Variants in PLPP4 observed in about 807,000 individuals in gnomAD.
PLPP4 encodes the protein phospholipid phosphatase 4.
Under a neutral mutation model 32.2 loss-of-function variants are expected in PLPP4, and 20 were observed. The ratio of observed to expected loss-of-function variants is 0.62; its 90% CI spans 0.44 to 0.90. The LOEUF is 0.90. Among genes scored for constraint, PLPP4 ranks in the 40% least tolerant of loss-of-function variants. PLPP4 has a pLI of 0.00. For missense variants in PLPP4, 257 were observed against 353.1 expected (o/e 0.73, Z 2.18); for synonymous variants, 127 against 133.0 (o/e 0.95, Z 0.31).
intron 5 of PLPP4, among the ~76,000 whole-genome samples, chr10:120,522,467 G>T (rs1401266157): frequency 6.6e-6 from 1 of 152,198 alleles, no homozygotes; most frequent in African/African-American, 2.4e-5. Flanking sequence ...CTTGTCTAAG[G>T]ACACCAGCTC....
intron 1 of PLPP4, among the ~76,000 whole-genome samples, chr10:120,472,039 G>C (rs1848539411): frequency 6.6e-6 from 1 of 151,576 alleles, no homozygotes; most frequent in Middle Eastern, 3.4e-3. Context: ...TCATGCCTTT[G>C]GTATATTGTT....
chr10:120,547,648 C>T (rs1847692008), intron 5 of PLPP4, among the ~76,000 whole-genome samples: 1 of 152,116 alleles, frequency 6.6e-6, no homozygotes, highest in Admixed American at 6.6e-5. Flanking sequence ...CATAGATTCC[C>T]TTTTTCCATC....
At chr10:120,544,629 C>G (rs1286327291) in intron 5 of PLPP4, among the ~76,000 whole-genome samples, 2 of 152,194 alleles carry the variant, frequency 1.3e-5, no homozygotes, top group African/African-American at 4.8e-5. Context: ...GCCTGTCCTC[C>G]CTTCTAGACT....
chr10:120,543,603 G>T (rs752157681), intron 5 of PLPP4, among the ~76,000 whole-genome samples: 4 of 152,122 alleles, frequency 2.6e-5, no homozygotes, highest in Non-Finnish European at 5.9e-5. Flanking sequence ...GATTTTTTGG[G>T]TGTTGTGAAA....
At chr10:120,565,252 G>T (rs1848631585) in intron 5 of PLPP4, among the ~76,000 whole-genome samples, 1 of 151,684 alleles carries the variant, frequency 6.6e-6, no homozygotes, top group Non-Finnish European at 1.5e-5. Flanking sequence ...ATTCCCTCGT[G>T]TATCAGCCTT....
At chr10:120,588,994 C>T (rs576158839) in intron 6 of PLPP4, among the ~76,000 whole-genome samples, 11 of 152,256 alleles carry the variant, frequency 7.2e-5, no homozygotes, top group African/African-American at 2.2e-4. Flanking sequence ...TGCAGTGAGG[C>T]GAGATTGCAG....
chr10:120,497,400 A>G (rs1356462096), intron 1 of PLPP4, among the ~76,000 whole-genome samples: 1 of 151,840 alleles, frequency 6.6e-6, no homozygotes. Flanking sequence ...CCTTCCACTC[A>G]CTTAATTTCA....
At chr10:120,462,166 G>A (rs1190385162) in intron 1 of PLPP4, among the ~76,000 whole-genome samples, 2 of 152,008 alleles carry the variant, frequency 1.3e-5, no homozygotes, top group African/African-American at 4.8e-5. Flanking sequence ...AAGGCCTGGA[G>A]GTGTGGAGGC....
chr10:120,495,635 AT>A (rs537423976), intron 1 of PLPP4, among the ~76,000 whole-genome samples: 3 of 150,996 alleles, frequency 2.0e-5, no homozygotes, highest in South Asian at 2.1e-4. Flanking sequence ...AAGTGTTACT[AT>A]TTTTTTTTCT....
Position 120,572,690 on chromosome 10 carries a change from A to G in PLPP4, c.446-2441A>G, listed in dbSNP as rs79376713. Among the ~76,000 whole-genome samples the G allele has an allele frequency of 8.7e-3, 1,318 of 152,276 alleles. 24 individuals are homozygous for G. Among genetic ancestry groups the G allele is most frequent in the African/African-American group, 0.03 (1,267 of 41,554 alleles). ...TAAAGTCCATTATTCCTCCTGAAGGAGCTCAGGATGGGATCAATACCAATG... is the reference window on the plus strand; with the variant it reads ...TAAAGTCCATTATTCCTCCTGAAGGGGCTCAGGATGGGATCAATACCAATG... On this transcript the variant is annotated intron_variant, in intron 5 of 6. Coordinates refer to ENST00000398250, the MANE Select transcript of PLPP4 (RefSeq NM_001030059.3).
intron 1 of PLPP4, among the ~76,000 whole-genome samples, chr10:120,462,452 C>T (rs761734595): frequency 3.3e-5 from 5 of 152,206 alleles, no homozygotes; most frequent in African/African-American, 4.8e-5. Flanking sequence ...CACACTGCTT[C>T]GTGGCCGCAG....
At chr10:120,564,559 G>T (rs1848599487) in intron 5 of PLPP4, among the ~76,000 whole-genome samples, 1 of 151,862 alleles carries the variant, frequency 6.6e-6, no homozygotes, top group African/African-American at 2.4e-5. Flanking sequence ...CAATAGCAAA[G>T]ATGTGAATTA....
chr10:120,514,097 C>A (rs1845839422), intron 3 of PLPP4, 96 bp downstream of exon 3: 1 of 984,154 alleles, frequency 1.0e-6, no homozygotes, highest in East Asian at 2.4e-5. Context: ...TGATTTTTTT[C>A]TTTTGGTCAA....
chr10:120,535,003 T>C (rs1846947037), intron 5 of PLPP4, among the ~76,000 whole-genome samples: 1 of 152,166 alleles, frequency 6.6e-6, no homozygotes, highest in South Asian at 2.1e-4. Context: ...CAGACTTTCC[T>C]GTTTCTTTGC....
intron 2 of PLPP4, among the ~76,000 whole-genome samples, chr10:120,507,080 T>G (rs1359500849): frequency 6.6e-6 from 1 of 152,220 alleles, no homozygotes; most frequent in Non-Finnish European, 1.5e-5. Flanking sequence ...GTAGGACAAC[T>G]TAATCGGTAT....
intron 1 of PLPP4, among the ~76,000 whole-genome samples, chr10:120,459,973 G>C (rs183358067): frequency 3.3e-5 from 5 of 152,228 alleles, no homozygotes; most frequent in Admixed American, 3.3e-4. Context: ...TCTAGACTAG[G>C]CACAGTGCTG....
Position 120,476,309 on chromosome 10 carries a change from G to T in PLPP4, c.56+18948G>T, listed in dbSNP as rs116284681. On this transcript the variant is annotated intron_variant, in intron 1 of 6. Coordinates refer to ENST00000398250, the MANE Select transcript of PLPP4 (RefSeq NM_001030059.3). The stretch of plus-strand genomic sequence containing the variant: ...AACAACTGCTTCTTCTCTTTTTTTT[G>T]TTGTTGTTGTTGAGTGCTTACTCTG... 5.3e-3 allele frequency among the ~76,000 whole-genome samples: 810 copies of T among 151,850 alleles called. 7 individuals carry two copies. Among genetic ancestry groups the T allele is most frequent in the African/African-American group, 0.018 (756 of 41,442 alleles).
At chr10:120,503,634 G>A (rs1336844976) in intron 1 of PLPP4, 184 bp from the exon 2 acceptor site, 1 of 1,606,442 alleles carries the variant, frequency 6.2e-7, no homozygotes, top group Non-Finnish European at 8.5e-7. Flanking sequence ...CAAAGTCTCA[G>A]TGATTCTTTC....
intron 1 of PLPP4, among the ~76,000 whole-genome samples, chr10:120,470,731 A>G (rs897949599): frequency 6.6e-6 from 1 of 151,916 alleles, no homozygotes. Flanking sequence ...AATTATTGTA[A>G]TTTCATAGTA....
Sources: gnomAD v4.1 joint callset for allele counts (sites outside exome capture counted in the v4.1 genomes callset) on GRCh38, gnomAD v4.1.1 for gene constraint, MANE v1.5 for transcripts, NCBI Gene and HGNC (gene_info 2026-07-23, HGNC 2026-07-21) for gene names.